MRPS31: variants seen among roughly 807,000 people sequenced by gnomAD.
The protein encoded by MRPS31 is mitochondrial ribosomal protein S31.
A neutral mutation model predicts 43.1 loss-of-function variants in MRPS31; 32 were observed. The observed-to-expected ratio is 0.74, with a 90% CI of 0.56 to 1.00. The LOEUF (loss-of-function observed/expected upper bound fraction) is 1.00, where lower values mean the gene tolerates loss of function less well. MRPS31 is among the 50% of genes least tolerant of loss of function. The probability of loss-of-function intolerance (pLI) is 0.00; values close to 1 mark genes in which losing one functional copy is unlikely to be tolerated. For synonymous variants in MRPS31, 165 were observed against 161.6 expected, an observed-to-expected ratio of 1.02 and a Z score of -0.16; for missense variants, 437 against 466.7, an observed-to-expected ratio of 0.94 and a Z score of 0.59.
At chr13:40,738,297 T>C (rs906765721) in intron 6 of MRPS31, among the ~76,000 whole-genome samples, 9 of 152,144 alleles carry the variant, frequency 5.9e-5, no homozygotes, top group Non-Finnish European at 1.2e-4. Flanking sequence ...CAATGATCAA[T>C]AGCTTACCAA....
At chr13:40,738,159 C>G (rs1335304564) in intron 6 of MRPS31, among the ~76,000 whole-genome samples, 2 of 151,982 alleles carry the variant, frequency 1.3e-5, no homozygotes. Context: ...ACTACAAACA[C>G]CTCTACGCAA....
rs375265483 is a variant in MRPS31 at position 40,736,426 on chromosome 13, G to C, written c.959-6825C>G. The stretch of plus-strand genomic sequence containing the variant: ...CCAACGTTCAGATTCAGGAAATACA[G>C]AGAACGCCACAAAGATACTCCTCGA... On this transcript the variant is annotated intron_variant, in intron 6 of 6. Transcript: ENST00000323563. 1.8e-4 allele frequency among the ~76,000 whole-genome samples: 26 copies of C among 148,436 alleles called. 1 individual carries two copies. In the East Asian group the frequency reaches 4.8e-3, roughly 27 times the overall value.
chr13:40,735,782 C>T (rs1879882633), intron 6 of MRPS31, among the ~76,000 whole-genome samples: 1 of 150,438 alleles, frequency 6.6e-6, no homozygotes, highest in African/African-American at 2.4e-5. Context: ...CCCATCTGTA[C>T]ATCACCATCA....
At chr13:40,730,420 G>A (rs1879646838) in intron 6 of MRPS31, among the ~76,000 whole-genome samples, 1 of 152,044 alleles carries the variant, frequency 6.6e-6, no homozygotes, top group African/African-American at 2.4e-5. Context: ...AGCTACTTGG[G>A]AGGCTGAGGT....
chr13:40,755,319 A>G (rs903051175), intron 4 of MRPS31, among the ~76,000 whole-genome samples: 6 of 152,250 alleles, frequency 3.9e-5, no homozygotes, highest in African/African-American at 1.4e-4. Flanking sequence ...GGATTAAAGC[A>G]AGTCACAGCA....
At chr13:40,750,742 TTATATA>T (rs66521234) in intron 5 of MRPS31, among the ~76,000 whole-genome samples, 1,612 of 130,804 alleles carry the variant, frequency 0.012, 26 homozygotes, top group African/African-American at 0.035. Context: ...GTATCCCATT[TTATATA>T]TATATATATA....
chr13:40,738,692 T>A (rs1390790861), intron 6 of MRPS31, among the ~76,000 whole-genome samples: 1 of 152,152 alleles, frequency 6.6e-6, no homozygotes, highest in African/African-American at 2.4e-5. Flanking sequence ...AAAAACTACA[T>A]GATTATCTCA....
At chr13:40,770,664 T>C (rs1338723160) in intron 1 of MRPS31, 1 of 339,040 alleles carries the variant, frequency 2.9e-6, no homozygotes, top group Non-Finnish European at 5.6e-6. Flanking sequence ...TTTTCAGTAA[T>C]GAACTAAAGA....
intron 4 of MRPS31, among the ~76,000 whole-genome samples, 182 bp from the exon 5 acceptor site, chr13:40,754,274 C>T (rs1319875026): frequency 6.6e-6 from 1 of 152,144 alleles, no homozygotes; most frequent in Non-Finnish European, 1.5e-5. Context: ...CAGAAATGTG[C>T]ACTTGAAGTT....
At chr13:40,734,583 T>C (rs1272701331) in intron 6 of MRPS31, among the ~76,000 whole-genome samples, 2 of 152,164 alleles carry the variant, frequency 1.3e-5, no homozygotes, top group Admixed American at 6.5e-5. Flanking sequence ...AAAGAATATA[T>C]AGTAATTTTT....
Position 40,749,137 on chromosome 13 carries a change from C to A in MRPS31, c.958+1G>T, listed in dbSNP as rs779501479. ...TATAATCCCCTGAAATTAACACTTA[C>A]CTGCTTCATTGTTAATTGGGAACTC... On this transcript the variant is annotated splice_donor_variant, in intron 6 of 6. Transcript: ENST00000323563. LOFTEE classifies it high-confidence loss of function. 6.9e-6 allele frequency: 11 copies of A among 1,591,928 alleles called. No homozygotes were observed. The highest frequency in any genetic ancestry group is 4.6e-5 in the South Asian group (4 of 86,198).
chr13:40,749,103 A>G (rs750648055), intron 6 of MRPS31, 35 bp downstream of exon 6: 7 of 1,563,452 alleles, frequency 4.5e-6, no homozygotes, highest in Non-Finnish European at 6.0e-6. Context: ...AATCTCAATC[A>G]ATACGTTTTA....
chr13:40,729,335 C>T lies in MRPS31; in HGVS notation c.*37G>A. 1.0e-6 allele frequency: 1 copy of T among 981,314 alleles called. No individual in the cohort carries two copies. Among genetic ancestry groups the T allele is most frequent in the Non-Finnish European group, 1.5e-6 (1 of 652,172 alleles). 60.8% of individuals were successfully genotyped at this position (981,314 alleles called of 1,614,324 possible). A position where few individuals can be genotyped will look rare whatever the true frequency, so the allele number is the denominator to read the frequency against. ...AAATTATTTTATTTAGTTGTAATAT[C>T]CATCTCTAATTGTTTGAAATAAAAA... On this transcript the variant is annotated 3_prime_UTR_variant, in exon 7 of 7. Coordinates refer to ENST00000323563, the MANE Select transcript of MRPS31 (RefSeq NM_005830.4).
intron 6 of MRPS31, among the ~76,000 whole-genome samples, chr13:40,738,660 G>A (rs1164418609): frequency 6.6e-6 from 1 of 152,086 alleles, no homozygotes; most frequent in Non-Finnish European, 1.5e-5. Flanking sequence ...ATGTAATCCA[G>A]CACATAAACA....
intron 6 of MRPS31, among the ~76,000 whole-genome samples, chr13:40,730,012 G>T (rs1239585088): frequency 6.6e-6 from 1 of 151,858 alleles, no homozygotes; most frequent in Non-Finnish European, 1.5e-5. Flanking sequence ...TTACAGGAGT[G>T]AGCCACCACG....
intron 2 of MRPS31, among the ~76,000 whole-genome samples, chr13:40,759,436 T>C (rs1880630699): frequency 6.6e-6 from 1 of 151,400 alleles, no homozygotes; most frequent in Admixed American, 6.6e-5. Flanking sequence ...AGACTCTGTC[T>C]CAAAAAAACC....
intron 5 of MRPS31, among the ~76,000 whole-genome samples, chr13:40,753,224 T>G (rs1880440183): frequency 1.3e-5 from 2 of 152,222 alleles, no homozygotes; most frequent in African/African-American, 4.8e-5. Context: ...ATATATTCCT[T>G]GAATGTTCTT....
At chr13:40,756,651 C>T (rs1880536040) in intron 4 of MRPS31, among the ~76,000 whole-genome samples, 2 of 152,150 alleles carry the variant, frequency 1.3e-5, no homozygotes, top group Non-Finnish European at 1.5e-5. Context: ...AAGCATGGCC[C>T]GTTTTGATTT....
At chr13:40,732,841 G>A (rs1186093849) in intron 6 of MRPS31, among the ~76,000 whole-genome samples, 1 of 152,034 alleles carries the variant, frequency 6.6e-6, no homozygotes, top group Non-Finnish European at 1.5e-5. Context: ...ATTACCAGCA[G>A]AACCTAAACA....
Sources: gnomAD v4.1 joint callset for allele counts (sites outside exome capture counted in the v4.1 genomes callset) on GRCh38, gnomAD v4.1.1 for gene constraint, MANE v1.5 for transcripts, NCBI Gene and HGNC (gene_info 2026-07-23, HGNC 2026-07-21) for gene names.